The following BIRC6 variants were observed in gnomAD, a reference collection of about 807,000 sequenced individuals.
The protein encoded by BIRC6 is dual E2 ubiquitin-conjugating enzyme/E3 ubiquitin-protein ligase BIRC6.
Under a neutral mutation model 503.3 loss-of-function variants are expected in BIRC6, and 98 were observed. That is an observed-to-expected ratio of 0.19 (90% confidence interval 0.17 to 0.23). The LOEUF is 0.23. Among genes scored for constraint, BIRC6 ranks in the 10% least tolerant of loss-of-function variants. BIRC6 has a pLI of 1.00. For synonymous variants in BIRC6, 2,240 were observed against 2,078.7 expected (o/e 1.08, Z -2.11); for missense variants, 5,360 against 5,806.0 (o/e 0.92, Z 2.50).
At chr2:32,392,685 C>T (rs72798768) in intron 5 of BIRC6, among the ~76,000 whole-genome samples, 9,163 of 152,166 alleles carry the variant, frequency 0.06, 357 homozygotes, top group Middle Eastern at 0.095. Flanking sequence ...TACAGTGGCC[C>T]TATCACCACT....
intron 15 of BIRC6, 57 bp downstream of exon 15, chr2:32,436,241 C>A: frequency 3.9e-6 from 5 of 1,284,768 alleles, no homozygotes; most frequent in Admixed American, 3.4e-5. Context: ...GTAAAAAAGA[C>A]GAAAAAAAAC....
rs182177509 is a variant in BIRC6, at chr2:32,612,364, A to G, written c.14394+782A>G. Among the ~76,000 whole-genome samples the G allele has an allele frequency of 2.9e-3, 435 of 152,310 alleles. 7 individuals are homozygous for G. The highest frequency in any genetic ancestry group is 0.01 in the African/African-American group (424 of 41,568). On this transcript the variant is annotated intron_variant, in intron 73 of 73. Transcript: ENST00000421745. ...GAAATGTGAAATGTGATTGGTTTGG[A>G]AGATTTTCTGTCTACCCACGGAGAT...
intron 2 of BIRC6, 86 bp downstream of exon 2, chr2:32,377,855 A>T (rs771310361): frequency 8.2e-7 from 1 of 1,219,614 alleles, no homozygotes; most frequent in Non-Finnish European, 1.1e-6. Flanking sequence ...GTCATCCTTT[A>T]AGGACGTTAT....
intron 65 of BIRC6, chr2:32,574,894 T>C (rs1233458024): frequency 2.2e-6 from 1 of 454,400 alleles, no homozygotes; most frequent in Non-Finnish European, 4.1e-6. Context: ...ATTACAGGCA[T>C]GCGCCATCCC....
intron 69 of BIRC6, 107 bp downstream of exon 69, chr2:32,598,075 C>A: frequency 1.8e-6 from 2 of 1,111,280 alleles, no homozygotes; most frequent in South Asian, 1.6e-5. Context: ...TTATACAAAA[C>A]ACTAGAAATT....
At chr2:32,523,598 C>T (rs905050395) in intron 57 of BIRC6, 1 of 152,090 alleles carries the variant, frequency 6.6e-6, no homozygotes, top group African/African-American at 2.4e-5. Flanking sequence ...TGTCTATAGG[C>T]AATTAGCAAT....
intron 57 of BIRC6, 118 bp downstream of exon 57, chr2:32,519,064 G>A (rs950540485): frequency 2.0e-6 from 2 of 979,674 alleles, no homozygotes; most frequent in Non-Finnish European, 3.0e-6. Flanking sequence ...GACTAGGAAA[G>A]TTCAAGACAT....
At chr2:32,527,337 A>G (rs2056360468) in intron 59 of BIRC6, 1 of 152,230 alleles carries the variant, frequency 6.6e-6, no homozygotes, top group South Asian at 2.1e-4. Flanking sequence ...TCCTCCAGCT[A>G]AAATTCTCAA....
intron 26 of BIRC6, 21 bp from the exon 27 acceptor site, chr2:32,467,504 T>C (rs1368280082): frequency 8.1e-6 from 13 of 1,601,110 alleles, no homozygotes; most frequent in Non-Finnish European, 1.1e-5. Flanking sequence ...TTTGGTCAAC[T>C]GTTTCTTCTT....
chr2:32,414,847 T>G lies in BIRC6; in HGVS notation c.1556T>G (p.Leu519Arg), dbSNP rs765689723. The change falls in exon 10 of 74, where the codon CTT becomes CGT. Residue 519 changes from leucine to arginine, a missense_variant. Physicochemically the swap from Leu to Arg is moderately radical, Grantham distance 102 (BLOSUM62 -2). Transcript: ENST00000421745. ...AGCATTCTCCAACAGCCAGAAAAAC[T>G]TCAGTGGGAGATTGTTGCAAATGTG... is the stretch of plus-strand genomic sequence containing the variant. ...ALSILQQPEK[L>R]QWEIVANVLE... 1 of 1,613,918 alleles carries G rather than the reference T, an allele frequency of 6.2e-7. No homozygotes were observed. Among genetic ancestry groups the G allele is most frequent in the Admixed American group, 1.7e-5 (1 of 60,012 alleles).
At chr2:32,557,650 C>G (rs2058871902) in intron 65 of BIRC6, 1 of 152,214 alleles carries the variant, frequency 6.6e-6, no homozygotes, top group African/African-American at 2.4e-5. Context: ...GTTTCTAAAT[C>G]TTTCTTGTTA....
chr2:32,443,278 G>A (rs777943724), intron 19 of BIRC6: 85 of 475,360 alleles, frequency 1.8e-4, no homozygotes, highest in Non-Finnish European at 2.9e-4. Context: ...CTGTTGTAAA[G>A]ATAAGGGTTT....
intron 62 of BIRC6, among the ~76,000 whole-genome samples, chr2:32,544,481 CT>C (rs1169159477): frequency 1.1e-4 from 16 of 143,384 alleles, no homozygotes; most frequent in Admixed American, 7.1e-5. Context: ...TTTCTTTTTT[CT>C]TTCTTCTTCT....
At chr2:32,503,380 C>T (rs2053420135) in intron 49 of BIRC6, 144 bp downstream of exon 49, 1 of 711,090 alleles carries the variant, frequency 1.4e-6, no homozygotes, top group Non-Finnish European at 2.3e-6. Flanking sequence ...TAGTGGATAT[C>T]TCGACATTCT....
intron 1 of BIRC6, among the ~76,000 whole-genome samples, chr2:32,364,866 A>AT (rs1287753164): frequency 2.6e-5 from 4 of 151,288 alleles, no homozygotes; most frequent in African/African-American, 7.3e-5. Flanking sequence ...TCAAGAAATA[A>AT]TTTTTTTTGG....
intron 65 of BIRC6, among the ~76,000 whole-genome samples, chr2:32,553,553 A>AT (rs1026654741): frequency 2.2e-4 from 34 of 151,292 alleles, no homozygotes; most frequent in African/African-American, 7.3e-4. Context: ...CACCCTGCTA[A>AT]TTTTTTTTGT....
intron 57 of BIRC6, chr2:32,523,190 T>G (rs1048686834): frequency 3.3e-5 from 5 of 152,134 alleles, no homozygotes; most frequent in Admixed American, 3.3e-4. Flanking sequence ...TACGTTCAAG[T>G]ACAGAGAAAA....
At chr2:32,537,432 C>G (rs1166074139) in intron 61 of BIRC6, among the ~76,000 whole-genome samples, 1 of 152,118 alleles carries the variant, frequency 6.6e-6, no homozygotes, top group Non-Finnish European at 1.5e-5. Context: ...ACAGTGCAAT[C>G]AAACTAGAAC....
intron 55 of BIRC6, 111 bp from the exon 56 acceptor site, chr2:32,518,138 CTGATT>C: frequency 1.0e-6 from 1 of 985,678 alleles, no homozygotes; most frequent in Non-Finnish European, 1.4e-6. Flanking sequence ...TCTTTAGCTA[CTGATT>C]TGATATGTTA....
Sources: gnomAD v4.1 joint callset for allele counts (sites outside exome capture counted in the v4.1 genomes callset) on GRCh38, gnomAD v4.1.1 for gene constraint, MANE v1.5 for transcripts, NCBI Gene and HGNC (gene_info 2026-07-23, HGNC 2026-07-21) for gene names.